The following PLCZ1 variants were observed in gnomAD, a reference collection of about 807,000 sequenced individuals.
The protein encoded by PLCZ1 is 1-phosphatidylinositol 4,5-bisphosphate phosphodiesterase zeta-1.
Under a neutral mutation model 76.8 loss-of-function variants are expected in PLCZ1, and 64 were observed. The observed-to-expected ratio is 0.83, with a 90% CI of 0.68 to 1.03. The LOEUF is 1.03. Ranked by LOEUF, PLCZ1 falls within the 50% of genes least tolerant of loss-of-function variation. PLCZ1 has a pLI of 0.00. For synonymous variants in PLCZ1, 248 were observed against 230.8 expected (o/e 1.07, Z -0.68); for missense variants, 751 against 713.7 (o/e 1.05, Z -0.60).
At chr12:18,736,801 T>A (rs1023940673) in intron 2 of PLCZ1, 2 of 616,156 alleles carry the variant, frequency 3.2e-6, no homozygotes, top group African/African-American at 3.8e-5. Context: ...CCGAACACAG[T>A]TTCTGCTACT....
At chr12:18,694,695 A>C (rs1267891697) in intron 12 of PLCZ1, among the ~76,000 whole-genome samples, 1 of 152,166 alleles carries the variant, frequency 6.6e-6, no homozygotes, top group Non-Finnish European at 1.5e-5. Context: ...TCAATATGTC[A>C]ATTCACAGGC....
intron 6 of PLCZ1, among the ~76,000 whole-genome samples, chr12:18,709,682 C>T (rs1275861784): frequency 6.6e-6 from 1 of 152,020 alleles, no homozygotes; most frequent in Non-Finnish European, 1.5e-5. Context: ...GGGACTTTGA[C>T]ACCAGCCTCG....
chr12:18,706,295 T>C (rs1190039071), intron 6 of PLCZ1, among the ~76,000 whole-genome samples: 1 of 151,252 alleles, frequency 6.6e-6, no homozygotes, highest in African/African-American at 2.4e-5. Context: ...TAGAAAGTTA[T>C]CTACGGGTTT....
the PLCZ1 span, among the ~76,000 whole-genome samples, chr12:18,671,565 C>A: frequency 6.6e-6 from 1 of 152,076 alleles, no homozygotes; most frequent in South Asian, 2.1e-4. Flanking sequence ...TGAAACAAAA[C>A]TACAAATTTG....
At chr12:18,709,469 T>C (rs1957034054) in intron 6 of PLCZ1, among the ~76,000 whole-genome samples, 5 of 152,194 alleles carry the variant, frequency 3.3e-5, no homozygotes, top group Admixed American at 3.3e-4. Flanking sequence ...CAACTTTGTT[T>C]TCATTTCTCA....
intron 12 of PLCZ1, among the ~76,000 whole-genome samples, chr12:18,694,306 C>T (rs762458105): frequency 6.6e-5 from 10 of 152,034 alleles, no homozygotes; most frequent in African/African-American, 1.9e-4. Flanking sequence ...CAATAAAGCG[C>T]GCTCTTTCAC....
At chr12:18,721,716 A>C (rs61912353) in intron 4 of PLCZ1, among the ~76,000 whole-genome samples, 2 of 76,816 alleles carry the variant, frequency 2.6e-5, no homozygotes, top group African/African-American at 1.1e-4. Context: ...TCTTGCTATT[A>C]AAAAAAAAAA....
intron 6 of PLCZ1, among the ~76,000 whole-genome samples, chr12:18,710,311 T>C (rs1485495092): frequency 6.6e-6 from 1 of 151,342 alleles, no homozygotes; most frequent in Non-Finnish European, 1.5e-5. Flanking sequence ...GAGTTAGCCA[T>C]GCAAATATTT....
the PLCZ1 span, among the ~76,000 whole-genome samples, chr12:18,650,609 T>C: frequency 6.8e-6 from 1 of 146,932 alleles, no homozygotes; most frequent in African/African-American, 2.5e-5. Context: ...TGAGAGCTGA[T>C]ACGGGCTCAC....
At chr12:18,721,278 T>C (rs1221904237) in intron 4 of PLCZ1, among the ~76,000 whole-genome samples, 2 of 152,094 alleles carry the variant, frequency 1.3e-5, no homozygotes, top group Non-Finnish European at 2.9e-5. Flanking sequence ...ATTTGGTGCC[T>C]GTCACATACC....
intron 3 of PLCZ1, 140 bp downstream of exon 3, chr12:18,736,081 T>A: frequency 1.1e-6 from 1 of 920,166 alleles, no homozygotes; most frequent in South Asian, 1.9e-5. Flanking sequence ...TCTACTGAAA[T>A]GCTCTCCATC....
intron 10 of PLCZ1, 105 bp from the exon 11 acceptor site, chr12:18,696,371 T>C (rs1309729440): frequency 4.2e-6 from 1 of 237,590 alleles, no homozygotes; most frequent in Non-Finnish European, 7.0e-6. Context: ...CTATAATAGT[T>C]TCAACAATTT....
chr12:18,737,725 G>A, intron 1 of PLCZ1: 1 of 426,160 alleles, frequency 2.3e-6, no homozygotes, highest in Non-Finnish European at 4.3e-6. Flanking sequence ...AACTGCCATT[G>A]TATCTCCTTT....
At chr12:18,699,334 T>TA (rs1292208675) in intron 10 of PLCZ1, among the ~76,000 whole-genome samples, 1 of 152,198 alleles carries the variant, frequency 6.6e-6, no homozygotes, top group African/African-American at 2.4e-5. Flanking sequence ...AAATCTTTAT[T>TA]ACCGCCTTCC....
At chr12:18,703,381 A>C (rs949309151) in intron 7 of PLCZ1, among the ~76,000 whole-genome samples, 3 of 152,160 alleles carry the variant, frequency 2.0e-5, no homozygotes, top group Non-Finnish European at 4.4e-5. Context: ...AAAGAAGTAA[A>C]ATTTGAAGAT....
Position 18,713,042 on chromosome 12 carries a change from C to T in PLCZ1, c.570-56G>A, listed in dbSNP as rs1957525862. 3.1e-6 allele frequency: 5 copies of T among 1,591,028 alleles called. No individual in the cohort carries two copies. In the South Asian group the frequency reaches 4.4e-5, roughly 14 times the overall value. On this transcript the variant is annotated intron_variant, in intron 5 of 14. Transcript: ENST00000266505. The stretch of plus-strand genomic sequence containing the variant: ...CTCCTGGACCATTAAAAATATATAC[C>T]AAAGTATTAAAATATTCCAAAGACC...
the PLCZ1 span, among the ~76,000 whole-genome samples, chr12:18,668,716 C>T: frequency 6.6e-6 from 1 of 152,156 alleles, no homozygotes; most frequent in African/African-American, 2.4e-5. Flanking sequence ...GACCATTTAT[C>T]ACTCTCTGGG....
chr12:18,711,042 C>A (rs1957248714), intron 6 of PLCZ1, among the ~76,000 whole-genome samples: 1 of 151,846 alleles, frequency 6.6e-6, no homozygotes, highest in Admixed American at 6.6e-5. Flanking sequence ...AGGTATATAC[C>A]CAAAGGACTA....
Position 18,699,823 on chromosome 12 carries a change from G to A in PLCZ1, c.1145C>T (p.Thr382Ile). The A allele has an allele frequency of 3.7e-6, 6 of 1,613,432 alleles. No homozygotes were observed. The highest frequency in any genetic ancestry group is 5.1e-6 in the Non-Finnish European group (6 of 1,179,690). ...QFNENNSIGE[T>I]QARKLSKLRV... The stretch of plus-strand genomic sequence containing the variant: ...CAATTTTGAAAGTTTTCGGGCTTGT[G>A]TCTCCCCAATAGAATTATTTTCATT... Residue 382 changes from threonine (T) to isoleucine (I), a missense_variant, in exon 10 of 15, where the codon ACA becomes ATA. Coordinates refer to ENST00000266505, the MANE Select transcript of PLCZ1 (RefSeq NM_033123.4).
Sources: gnomAD v4.1 joint callset for allele counts (sites outside exome capture counted in the v4.1 genomes callset) on GRCh38, gnomAD v4.1.1 for gene constraint, MANE v1.5 for transcripts, NCBI Gene and HGNC (gene_info 2026-07-23, HGNC 2026-07-21) for gene names.